The following CDH13 variants were observed in gnomAD, a reference collection of about 807,000 sequenced individuals.
CDH13 encodes cadherin 13.
In CDH13, 24 loss-of-function variants were observed where a neutral mutation model predicts 63.8. The observed-to-expected ratio is 0.38, with a 90% CI of 0.27 to 0.53. The LOEUF is 0.53. Ranked by LOEUF, CDH13 falls within the 20% of genes least tolerant of loss-of-function variation. The pLI, the probability that CDH13 is intolerant of heterozygous loss-of-function variation, is 0.85. For synonymous variants in CDH13, 503 were observed against 355.3 expected (o/e 1.42, Z -4.67); for missense variants, 1,049 against 903.1 (o/e 1.16, Z -2.07).
At chr16:82,801,361 C>G (rs1188755286) in intron 1 of CDH13, among the ~76,000 whole-genome samples, 1 of 152,194 alleles carries the variant, frequency 6.6e-6, no homozygotes, top group African/African-American at 2.4e-5. Context: ...CGAGGGACCT[C>G]TAGCTTCTGT....
intron 3 of CDH13, among the ~76,000 whole-genome samples, chr16:83,116,643 T>A (rs1305915768): frequency 1.3e-5 from 2 of 152,206 alleles, no homozygotes; most frequent in Non-Finnish European, 2.9e-5. Flanking sequence ...TGACTGCTAA[T>A]GGGCATGAGG....
chr16:83,495,333 G>A (rs1390886670), intron 7 of CDH13, among the ~76,000 whole-genome samples: 1 of 152,162 alleles, frequency 6.6e-6, no homozygotes. Flanking sequence ...ATTTTGTTTG[G>A]CAATTGGTTG....
intron 10 of CDH13, among the ~76,000 whole-genome samples, chr16:83,694,402 G>T (rs1374816357): frequency 1.3e-5 from 2 of 152,186 alleles, no homozygotes; most frequent in African/African-American, 2.4e-5. Context: ...CTCCAAAAGA[G>T]GGGTTGGGAT....
intron 7 of CDH13, among the ~76,000 whole-genome samples, chr16:83,507,403 T>G (rs1009374125): frequency 6.6e-6 from 1 of 152,188 alleles, no homozygotes; most frequent in African/African-American, 2.4e-5. Context: ...CAAATACATT[T>G]AAAGCCAGTG....
intron 2 of CDH13, among the ~76,000 whole-genome samples, chr16:82,963,443 C>G (rs2151348124): frequency 6.6e-6 from 1 of 152,250 alleles, no homozygotes; most frequent in South Asian, 2.1e-4. Flanking sequence ...CTCAATACCT[C>G]TTACATGATC....
chr16:83,742,998 AG>A (rs1245934162), intron 10 of CDH13, among the ~76,000 whole-genome samples: 1 of 152,202 alleles, frequency 6.6e-6, no homozygotes, highest in Non-Finnish European at 1.5e-5. Flanking sequence ...GCTTGAGGTC[AG>A]GAGTTCGAGA....
chr16:83,254,583 T>C (rs573285891), intron 5 of CDH13, among the ~76,000 whole-genome samples: 1 of 152,336 alleles, frequency 6.6e-6, no homozygotes, highest in South Asian at 2.1e-4. Context: ...CTTTTCTTTT[T>C]TCTCTGATCC....
intron 1 of CDH13, among the ~76,000 whole-genome samples, chr16:82,701,549 T>C (rs2031022092): frequency 6.6e-6 from 1 of 152,214 alleles, no homozygotes; most frequent in African/African-American, 2.4e-5. Flanking sequence ...TCATGAAGGC[T>C]AGACCTTAGA....
At chr16:82,961,387 G>C (rs1906963286) in intron 2 of CDH13, among the ~76,000 whole-genome samples, 1 of 152,078 alleles carries the variant, frequency 6.6e-6, no homozygotes. Context: ...GTAATATGTT[G>C]TTCTTCTTTT....
intron 1 of CDH13, among the ~76,000 whole-genome samples, chr16:82,734,626 C>G (rs1318743660): frequency 6.6e-6 from 1 of 152,140 alleles, no homozygotes; most frequent in Non-Finnish European, 1.5e-5. Context: ...AGGGCCAACA[C>G]CTATGGAAAG....
In CDH13 at chr16:83,019,425, A is replaced by G. The variant is rs186873605; in HGVS notation, c.158-12585A>G. On this transcript the variant is annotated intron_variant, in intron 2 of 13. Transcript: ENST00000567109. ...TATAACACGCATGGAGCCATCTCCTATGATATCAATGCCTTCTTCTGGATA... is the reference window on the plus strand; with the variant it reads ...TATAACACGCATGGAGCCATCTCCTGTGATATCAATGCCTTCTTCTGGATA... Among the ~76,000 whole-genome samples, 10 of 151,482 alleles carry G rather than the reference A, an allele frequency of 6.6e-5. No individual in the cohort carries two copies. The East Asian group carries it at 1.6e-3, about 24-fold the overall frequency.
chr16:83,295,482 G>GA (rs1245776644), intron 5 of CDH13, among the ~76,000 whole-genome samples: 4 of 151,834 alleles, frequency 2.6e-5, no homozygotes, highest in African/African-American at 7.3e-5. Flanking sequence ...TGATAAAATA[G>GA]AAAAAACAAT....
chr16:82,654,979 G>T (rs1911137976), intron 1 of CDH13, among the ~76,000 whole-genome samples: 1 of 152,172 alleles, frequency 6.6e-6, no homozygotes, highest in Admixed American at 6.5e-5. Flanking sequence ...GGAGCTGGTG[G>T]TCCCAGATTT....
chr16:83,295,886 T>C (rs2089583710), intron 5 of CDH13, among the ~76,000 whole-genome samples: 1 of 152,194 alleles, frequency 6.6e-6, no homozygotes, highest in Non-Finnish European at 1.5e-5. Flanking sequence ...ATTGCAGCAG[T>C]GTTCACAATA....
At chr16:83,133,055 A>G (rs1454836503) in intron 4 of CDH13, among the ~76,000 whole-genome samples, 3 of 152,182 alleles carry the variant, frequency 2.0e-5, no homozygotes, top group African/African-American at 7.2e-5. Context: ...TTCTGCCTCT[A>G]CACAGCCCAA....
intron 7 of CDH13, among the ~76,000 whole-genome samples, chr16:83,498,973 A>T (rs1273106369): frequency 1.3e-5 from 2 of 152,190 alleles, no homozygotes; most frequent in Non-Finnish European, 2.9e-5. Flanking sequence ...AATACAGGTC[A>T]TTTGTTGAGT....
At chr16:83,278,562 G>A (rs1034165538) in intron 5 of CDH13, among the ~76,000 whole-genome samples, 1 of 152,188 alleles carries the variant, frequency 6.6e-6, no homozygotes, top group Non-Finnish European at 1.5e-5. Flanking sequence ...TAATGGGAAG[G>A]GAAACATACA....
intron 6 of CDH13, among the ~76,000 whole-genome samples, chr16:83,478,927 C>T (rs1250207871): frequency 1.3e-5 from 2 of 151,900 alleles, no homozygotes; most frequent in African/African-American, 4.8e-5. Context: ...TAAAGCCAGT[C>T]CAAATGTAAG....
chr16:83,727,580 G>T (rs1226948596), intron 10 of CDH13, among the ~76,000 whole-genome samples: 1 of 151,870 alleles, frequency 6.6e-6, no homozygotes, highest in Non-Finnish European at 1.5e-5. Flanking sequence ...CATTGAGAAA[G>T]AAAAATATCA....
Sources: allele counts gnomAD v4.1 joint callset (sites outside exome capture counted in the v4.1 genomes callset), GRCh38; gene constraint gnomAD v4.1.1; transcripts MANE v1.5; gene names NCBI Gene and HGNC (gene_info 2026-07-23, HGNC 2026-07-21).